The following CCSER1 variants were observed in gnomAD, a reference collection of about 807,000 sequenced individuals.
CCSER1 encodes the protein coiled-coil serine rich protein 1, also known as serine-rich coiled-coil domain-containing protein 1.
A neutral mutation model predicts 82.0 loss-of-function variants in CCSER1; 41 were observed. That is an observed-to-expected ratio of 0.50 (90% confidence interval 0.39 to 0.65). The LOEUF (loss-of-function observed/expected upper bound fraction) is 0.65, where lower values mean the gene tolerates loss of function less well. Among genes scored for constraint, CCSER1 ranks in the 30% least tolerant of loss-of-function variants. CCSER1 has a pLI of 0.00. For synonymous variants in CCSER1, 414 were observed against 383.9 expected, an observed-to-expected ratio of 1.08 and a Z score of -0.92; for missense variants, 1,119 against 1,064.2, an observed-to-expected ratio of 1.05 and a Z score of -0.72.
intron 7 of CCSER1, among the ~76,000 whole-genome samples, chr4:90,774,807 G>A (rs1752687104): frequency 1.3e-5 from 2 of 151,988 alleles, no homozygotes; most frequent in African/African-American, 4.8e-5. Flanking sequence ...ATTAAAGTAG[G>A]CAGTCATCCA....
intron 8 of CCSER1, among the ~76,000 whole-genome samples, chr4:90,869,648 G>T (rs2086332730): frequency 6.6e-6 from 1 of 151,564 alleles, no homozygotes; most frequent in Non-Finnish European, 1.5e-5. Flanking sequence ...GATTCCTCCA[G>T]TTTTGCTCTT....
intron 10 of CCSER1, among the ~76,000 whole-genome samples, chr4:91,098,727 G>C (rs1426479446): frequency 1.3e-5 from 2 of 152,060 alleles, no homozygotes; most frequent in South Asian, 2.1e-4. Flanking sequence ...ATTTTTAGTA[G>C]AGATGGGGTT....
intron 7 of CCSER1, among the ~76,000 whole-genome samples, chr4:90,753,649 C>G (rs1299752018): frequency 6.6e-6 from 1 of 152,064 alleles, no homozygotes; most frequent in Non-Finnish European, 1.5e-5. Context: ...CTTGTCTCCC[C>G]TGTAATTCCA....
chr4:91,391,923 C>T (rs1278232715), intron 10 of CCSER1, among the ~76,000 whole-genome samples: 1 of 151,954 alleles, frequency 6.6e-6, no homozygotes, highest in African/African-American at 2.4e-5. Flanking sequence ...TTATTATATA[C>T]ATTTATGCAC....
At chr4:90,366,861 A>C (rs1746370295) in intron 3 of CCSER1, among the ~76,000 whole-genome samples, 1 of 151,900 alleles carries the variant, frequency 6.6e-6, no homozygotes, top group African/African-American at 2.4e-5. Flanking sequence ...GTGATGGCCA[A>C]ATAAAGAGAG....
At chr4:90,702,951 G>GT (rs1227202882) in intron 6 of CCSER1, among the ~76,000 whole-genome samples, 2 of 152,092 alleles carry the variant, frequency 1.3e-5, no homozygotes, top group Admixed American at 1.3e-4. Context: ...TTTTTGAAGG[G>GT]TTTTTTATGC....
intron 8 of CCSER1, among the ~76,000 whole-genome samples, chr4:90,913,032 G>A (rs1020059867): frequency 5.3e-5 from 8 of 152,140 alleles, no homozygotes; most frequent in Admixed American, 1.3e-4. Flanking sequence ...TGAAAGTGAC[G>A]GGGAGAATGG....
intron 10 of CCSER1, among the ~76,000 whole-genome samples, chr4:91,474,806 T>TAC (rs1363804077): frequency 3.0e-5 from 2 of 65,848 alleles, no homozygotes; most frequent in African/African-American, 1.0e-4. Flanking sequence ...TATATATATA[T>TAC]ATATATACAC....
chr4:90,692,663 A>G (rs1267335643), intron 6 of CCSER1, among the ~76,000 whole-genome samples: 1 of 151,744 alleles, frequency 6.6e-6, no homozygotes, highest in African/African-American at 2.4e-5. Context: ...AACCATTTCA[A>G]TTAGCTAACA....
intron 4 of CCSER1, among the ~76,000 whole-genome samples, chr4:90,441,692 G>A (rs1174124465): frequency 6.6e-6 from 1 of 152,206 alleles, no homozygotes; most frequent in Non-Finnish European, 1.5e-5. Context: ...TTGACTTATA[G>A]TGTGAATGTA....
rs1458674883 is a variant in CCSER1, at chr4:90,312,958, A to G, written c.1420A>G (p.Ile474Val). ...AGGCACTGCAGGGAGTAGCAGAATG[A>G]TTTTGAAACCGAAAGATGGAAATAT... Reference protein sequence around the residue: ...SEGTAGSSRMILKPKDGNIEE... With the variant: ...SEGTAGSSRMVLKPKDGNIEE... Residue 474 changes from isoleucine to valine, a missense_variant, in exon 3 of 11, where the codon ATT becomes GTT. Physicochemically the swap from Ile to Val is conservative, Grantham distance 29 (BLOSUM62 3). Transcript: ENST00000509176. The G allele has an allele frequency of 2.5e-6, 4 of 1,598,090 alleles. No individual in the cohort carries two copies. The South Asian group carries it at 4.5e-5, about 18-fold the overall frequency.
At chr4:90,950,106 A>T (rs934484851) in intron 9 of CCSER1, among the ~76,000 whole-genome samples, 1 of 152,124 alleles carries the variant, frequency 6.6e-6, no homozygotes, top group Non-Finnish European at 1.5e-5. Flanking sequence ...GAGGATGGAG[A>T]TGTGCAAGAA....
chr4:90,167,086 C>A (rs2153371452), intron 1 of CCSER1, among the ~76,000 whole-genome samples: 1 of 151,940 alleles, frequency 6.6e-6, no homozygotes, highest in African/African-American at 2.4e-5. Flanking sequence ...TTGCATTAGC[C>A]AGATAAAATA....
intron 10 of CCSER1, among the ~76,000 whole-genome samples, chr4:91,330,041 C>A (rs1022265489): frequency 6.6e-5 from 10 of 151,936 alleles, no homozygotes; most frequent in Non-Finnish European, 1.5e-4. Flanking sequence ...ATTCTAACTT[C>A]TTATTTTGAG....
intron 3 of CCSER1, among the ~76,000 whole-genome samples, chr4:90,373,188 A>G (rs1244299166): frequency 1.3e-5 from 2 of 152,088 alleles, no homozygotes; most frequent in Admixed American, 6.6e-5. Context: ...TTGTATGTTT[A>G]TGGATGGTAT....
chr4:91,317,603 C>CGT lies in CCSER1; in HGVS notation c.2217+231623_2217+231624dup, dbSNP rs901591752. On this transcript the variant is annotated intron_variant, in intron 10 of 10. Transcript: ENST00000509176. Reference sequence around the variant, plus strand: ...CAAAGTATATACGTGTGTGTGTGTGCGTGTGTGTGTGTGTGCGCATGTGGG... The same window carrying CGT: ...CAAAGTATATACGTGTGTGTGTGTGCGTGTGTGTGTGTGTGTGCGCATGTGGG... Among the ~76,000 whole-genome samples, 46 of 148,544 alleles carry CGT rather than the reference C, an allele frequency of 3.1e-4. No homozygotes were observed. The East Asian group carries it at 3.5e-3, about 11-fold the overall frequency.
chr4:91,185,613 G>C (rs1004073756), intron 10 of CCSER1, among the ~76,000 whole-genome samples: 6 of 152,208 alleles, frequency 3.9e-5, no homozygotes, highest in Non-Finnish European at 8.8e-5. Context: ...TGGGGCCCAG[G>C]ACAGGCCCCT....
chr4:91,115,429 A>G (rs28409403), intron 10 of CCSER1, among the ~76,000 whole-genome samples: 1 of 151,752 alleles, frequency 6.6e-6, no homozygotes, highest in Non-Finnish European at 1.5e-5. Context: ...CACATTCAAG[A>G]GATTTTCCTG....
intron 4 of CCSER1, among the ~76,000 whole-genome samples, chr4:90,409,037 A>G (rs1754226342): frequency 6.6e-6 from 1 of 152,222 alleles, no homozygotes. Flanking sequence ...TCAGTGATGG[A>G]AGACAAAATG....
Sources: allele counts gnomAD v4.1 joint callset (sites outside exome capture counted in the v4.1 genomes callset), GRCh38; gene constraint gnomAD v4.1.1; transcripts MANE v1.5; gene names NCBI Gene and HGNC (gene_info 2026-07-23, HGNC 2026-07-21).